SI: variants seen among roughly 807,000 people sequenced by gnomAD.
SI encodes the protein sucrase-isomaltase.
A neutral mutation model predicts 253.3 loss-of-function variants in SI; 235 were observed. The ratio of observed to expected loss-of-function variants is 0.93; its 90% CI spans 0.83 to 1.03. The LOEUF is 1.03. Ranked by LOEUF, SI falls within the 50% of genes least tolerant of loss-of-function variation. SI has a pLI of 0.00. For missense variants in SI, 2,442 were observed against 2,211.1 expected (o/e 1.10, Z -2.09); for synonymous variants, 819 against 712.0 (o/e 1.15, Z -2.39).
chr3:165,031,077 G>C (rs572273311), intron 24 of SI, among the ~76,000 whole-genome samples: 119 of 149,562 alleles, frequency 8.0e-4, no homozygotes, highest in African/African-American at 2.6e-3. Context: ...ATATATGTGT[G>C]TATTTATGTA....
At chr3:165,058,655 A>G in intron 12 of SI, among the ~76,000 whole-genome samples, 1 of 151,986 alleles carries the variant, frequency 6.6e-6, no homozygotes. Context: ...CTATATGCCA[A>G]TAAATTGGAA....
intron 31 of SI, among the ~76,000 whole-genome samples, chr3:165,017,012 T>C (rs1719067477): frequency 6.6e-6 from 1 of 151,908 alleles, no homozygotes. Flanking sequence ...GCAGCATCCC[T>C]AGGATTCCTT....
rs760255073 is a variant in SI at position 165,030,829 on chromosome 3, T to C, written c.2775A>G (p.Arg925=). 13 of 1,598,936 alleles carry C rather than the reference T, an allele frequency of 8.1e-6. No homozygotes were observed. In the South Asian group the frequency reaches 1.1e-4, roughly 14 times the overall value. ...TTTGATTCCATTGAACACTAAAGTT[T>C]CTTCCAAGATTAAGTTTGAGATCTG... ...LIADLKLNLG[R]NFSVQWNQIF... The change falls in exon 25 of 48, where the codon AGA becomes AGG. Residue 925 remains arginine (R), a synonymous_variant. Transcript: ENST00000264382.
chr3:165,049,285 A>G (rs772947455), intron 14 of SI, 41 bp from the exon 15 acceptor site: 5 of 1,114,122 alleles, frequency 4.5e-6, no homozygotes, highest in Non-Finnish European at 6.8e-6. Flanking sequence ...ATATTTTTCC[A>G]TTATAAAAGT....
In SI at chr3:165,063,442, C is replaced by A; in HGVS notation, c.907G>T (p.Glu303Ter). ...ATATTATCAAATGAATTATTCTTACCCATTGCATTGCTATTCATTAAAAAA... is the reference window on the plus strand; with the variant it reads ...ATATTATCAAATGAATTATTCTTACACATTGCATTGCTATTCATTAAAAAA... ...GVFLMNSNAM[E>*]IFIQPTPIVT... is the part of the protein sequence containing the mutation. The change falls in exon 8 of 48, where the codon GAG (glutamate) becomes TAG (stop). Residue 303 changes from glutamate to a stop codon, truncating the protein, a stop_gained and splice_region_variant. Transcript: ENST00000264382. LOFTEE classifies it high-confidence loss of function. 7.8e-7 allele frequency: 1 copy of A among 1,286,776 alleles called. No homozygotes were observed. 79.7% of individuals were successfully genotyped at this position (1,286,776 alleles called of 1,614,324 possible).
chr3:164,981,667 A>C (rs1278201254), intron 47 of SI, among the ~76,000 whole-genome samples: 1 of 152,162 alleles, frequency 6.6e-6, no homozygotes, highest in Non-Finnish European at 1.5e-5. Context: ...CACAGAATTT[A>C]GAACTGGAAG....
At chr3:165,040,377 T>C (rs957669186) in intron 18 of SI, among the ~76,000 whole-genome samples, 11 of 152,058 alleles carry the variant, frequency 7.2e-5, no homozygotes, top group African/African-American at 2.7e-4. Context: ...ACAAGGTTAC[T>C]TTTTATTTAT....
At chr3:165,077,935 T>C (rs1468476130) in intron 1 of SI, among the ~76,000 whole-genome samples, 1 of 151,556 alleles carries the variant, frequency 6.6e-6, no homozygotes, top group African/African-American at 2.4e-5. Context: ...TCTTGGAAAA[T>C]ATATATTGAT....
intron 25 of SI, among the ~76,000 whole-genome samples, chr3:165,027,408 T>C (rs1711986621): frequency 6.6e-6 from 1 of 151,270 alleles, no homozygotes; most frequent in Admixed American, 6.6e-5. Context: ...CTATTGACGT[T>C]ATTCCACAAG....
At chr3:165,030,204 T>G (rs1421181229) in intron 25 of SI, among the ~76,000 whole-genome samples, 2 of 150,744 alleles carry the variant, frequency 1.3e-5, no homozygotes, top group African/African-American at 4.9e-5. Flanking sequence ...GTCCTTCCTG[T>G]GACATTGGTA....
intron 7 of SI, among the ~76,000 whole-genome samples, chr3:165,064,933 G>A (rs1440592508): frequency 6.6e-6 from 1 of 152,008 alleles, no homozygotes; most frequent in Admixed American, 6.6e-5. Context: ...AACAGTGTTT[G>A]GAATTATTCT....
intron 20 of SI, 139 bp from the exon 21 acceptor site, chr3:165,038,163 G>T: frequency 1.4e-6 from 1 of 738,076 alleles, no homozygotes; most frequent in Non-Finnish European, 2.1e-6. Context: ...CTAACTTTAG[G>T]AGAATTTTTT....
chr3:164,998,649 T>C lies in SI; in HGVS notation c.4431A>G (p.Lys1477=). Residue 1477 remains lysine (K), a synonymous_variant, in exon 38 of 48, where the codon AAA becomes AAG. Transcript: ENST00000264382. ...TGGAACGAGAAATTACAATCCCTCTTTTTCCAGTTGTCTTCTGCAATGCAC... is the reference window on the plus strand; with the variant it reads ...TGGAACGAGAAATTACAATCCCTCTCTTTCCAGTTGTCTTCTGCAATGCAC... The part of the protein sequence containing the change: ...THDALQKTTG[K]RGIVISRSTY... 6.2e-7 allele frequency: 1 copy of C among 1,611,690 alleles called. No individual in the cohort carries two copies. The highest frequency in any genetic ancestry group is 8.5e-7 in the Non-Finnish European group (1 of 1,178,306).
At chr3:165,063,101 C>T (rs1165290440) in intron 8 of SI, among the ~76,000 whole-genome samples, 3 of 151,878 alleles carry the variant, frequency 2.0e-5, no homozygotes, top group African/African-American at 7.3e-5. Context: ...CCATAGACAT[C>T]TTTTTTGTTT....
upstream of SI, among the ~76,000 whole-genome samples, chr3:165,081,139 T>C (rs1281578016): frequency 6.6e-6 from 1 of 151,976 alleles, no homozygotes; most frequent in Non-Finnish European, 1.5e-5. Flanking sequence ...AATAAATGTA[T>C]TCAATTATAA....
At chr3:165,016,306 T>C (rs1719025750) in intron 31 of SI, among the ~76,000 whole-genome samples, 1 of 152,038 alleles carries the variant, frequency 6.6e-6, no homozygotes, top group Non-Finnish European at 1.5e-5. Context: ...TGTCAACAGT[T>C]CATTTAGTCA....
At chr3:164,988,827 C>T (rs1041701258) in intron 44 of SI, among the ~76,000 whole-genome samples, 13 of 152,190 alleles carry the variant, frequency 8.5e-5, no homozygotes, top group Non-Finnish European at 1.6e-4. Flanking sequence ...GATCCATTGT[C>T]CCTGGTAAAT....
chr3:165,057,808 A>G (rs888392968), intron 12 of SI, among the ~76,000 whole-genome samples: 2 of 152,066 alleles, frequency 1.3e-5, no homozygotes, highest in African/African-American at 4.8e-5. Context: ...GAGGGATTTC[A>G]TCAACACCAG....
chr3:165,083,741 T>C, the SI span, among the ~76,000 whole-genome samples: 1 of 152,030 alleles, frequency 6.6e-6, no homozygotes, highest in East Asian at 1.9e-4. Flanking sequence ...TTACCTTCTT[T>C]GGCCTTCCAT....
Sources: allele counts gnomAD v4.1 joint callset (sites outside exome capture counted in the v4.1 genomes callset), GRCh38; gene constraint gnomAD v4.1.1; transcripts MANE v1.5; gene names NCBI Gene and HGNC (gene_info 2026-07-23, HGNC 2026-07-21).